The following OSBPL1A variants were observed in gnomAD, a reference collection of about 807,000 sequenced individuals.
OSBPL1A encodes the protein oxysterol-binding protein-related protein 1.
In OSBPL1A, 80 loss-of-function variants were observed where a neutral mutation model predicts 137.1. The ratio of observed to expected loss-of-function variants is 0.58; its 90% CI spans 0.49 to 0.70. The LOEUF (loss-of-function observed/expected upper bound fraction) is 0.70. OSBPL1A is among the 30% of genes least tolerant of loss of function. OSBPL1A has a pLI of 0.00. For synonymous variants in OSBPL1A, 365 were observed against 389.7 expected, an observed-to-expected ratio of 0.94 and a Z score of 0.75; for missense variants, 970 against 1,129.4, an observed-to-expected ratio of 0.86 and a Z score of 2.02.
At chr18:24,223,022 T>G (rs1395265876) in intron 17 of OSBPL1A, among the ~76,000 whole-genome samples, 1 of 152,042 alleles carries the variant, frequency 6.6e-6, no homozygotes, top group East Asian at 1.9e-4. Flanking sequence ...CACATGAATT[T>G]TAAAGATAAA....
At chr18:24,325,890 T>A (rs9963342) in intron 7 of OSBPL1A, among the ~76,000 whole-genome samples, 1,930 of 152,344 alleles carry the variant, frequency 0.013, 41 homozygotes, top group African/African-American at 0.043. Flanking sequence ...TGATTAAAAA[T>A]TTTAAATATC....
intron 17 of OSBPL1A, among the ~76,000 whole-genome samples, chr18:24,210,535 CTTT>C (rs11355890): frequency 7.0e-6 from 1 of 143,126 alleles, no homozygotes; most frequent in Non-Finnish European, 1.5e-5. Context: ...TTTTCTTTTT[CTTT>C]TTTTTTTTTT....
chr18:24,182,669 G>C (rs2086637709), intron 18 of OSBPL1A, among the ~76,000 whole-genome samples: 1 of 152,134 alleles, frequency 6.6e-6, no homozygotes, highest in South Asian at 2.1e-4. Context: ...AGCTCAGCCT[G>C]ATGAAAAGAA....
intron 15 of OSBPL1A, among the ~76,000 whole-genome samples, chr18:24,245,421 A>C (rs2088852884): frequency 6.6e-6 from 1 of 152,112 alleles, no homozygotes; most frequent in African/African-American, 2.4e-5. Flanking sequence ...AGGACCAACA[A>C]TGTTCTCACT....
chr18:24,250,699 C>A (rs979007171), intron 15 of OSBPL1A, among the ~76,000 whole-genome samples: 1 of 152,162 alleles, frequency 6.6e-6, no homozygotes, highest in Non-Finnish European at 1.5e-5. Context: ...TGGCTATGGT[C>A]AAAGACTCCT....
intron 1 of OSBPL1A, among the ~76,000 whole-genome samples, chr18:24,394,693 C>T (rs148473823): frequency 8.7e-4 from 132 of 152,234 alleles, no homozygotes; most frequent in African/African-American, 3.0e-3. Context: ...CTCAATTAAA[C>T]TCATGTATAA....
At chr18:24,225,267 T>A in intron 16 of OSBPL1A, 69 bp from the exon 17 acceptor site, 1 of 1,548,422 alleles carries the variant, frequency 6.5e-7, no homozygotes, top group South Asian at 1.1e-5. Context: ...AATGGATCCC[T>A]CCCTTCATGC....
chr18:24,328,669 A>G (rs6508312), intron 7 of OSBPL1A, among the ~76,000 whole-genome samples: 62,147 of 151,898 alleles, frequency 0.41, 13,588 homozygotes, highest in Middle Eastern at 0.6. Flanking sequence ...GAGAGCCTCC[A>G]GGACAGTTCA....
chr18:24,327,675 C>G (rs2091005966), intron 7 of OSBPL1A, among the ~76,000 whole-genome samples: 2 of 152,180 alleles, frequency 1.3e-5, no homozygotes, highest in Non-Finnish European at 2.9e-5. Flanking sequence ...TCCCAAAGTA[C>G]TGGGATTACA....
In OSBPL1A at chr18:24,271,763, G is replaced by T. The variant is rs1285423288; in HGVS notation, c.1281+9079C>A. The T allele has an allele frequency of 4.1e-6, 4 of 985,512 alleles. No homozygotes were observed. Among genetic ancestry groups the T allele is most frequent in the Non-Finnish European group, 4.8e-6 (4 of 830,044 alleles). The allele number at this position is 985,512 out of a possible 1,614,324, so 61.0% of individuals were successfully genotyped here. On this transcript the variant is annotated intron_variant, in intron 15 of 27. Coordinates refer to ENST00000319481, the MANE Select transcript of OSBPL1A (RefSeq NM_080597.4). This position sits in a 1 kb window ranked among gnomAD's most constrained non-coding sequence, Gnocchi z 4.0. ...CGATCCGGGAGGCGCGACCCAGGGC[G>T]GCCCGCAAGGTCTCCCTAAGTCACC...
At chr18:24,249,806 T>C (rs67599856) in intron 15 of OSBPL1A, among the ~76,000 whole-genome samples, 12,607 of 152,150 alleles carry the variant, frequency 0.083, 661 homozygotes, top group African/African-American at 0.15. Flanking sequence ...TGGGGGGTCC[T>C]AGGTAAATTT....
chr18:24,228,925 G>A (rs2088180950), intron 16 of OSBPL1A, among the ~76,000 whole-genome samples: 1 of 152,180 alleles, frequency 6.6e-6, no homozygotes, highest in South Asian at 2.1e-4. Context: ...CACAGGCTGG[G>A]CGCGGTGGCT....
At chr18:24,305,181 C>T (rs112551130) in intron 13 of OSBPL1A, among the ~76,000 whole-genome samples, 20 of 152,300 alleles carry the variant, frequency 1.3e-4, no homozygotes, top group African/African-American at 4.8e-4. Context: ...TAAGCAATGG[C>T]TTCAATTGCA....
At chr18:24,254,189 G>C (rs923793230) in intron 15 of OSBPL1A, among the ~76,000 whole-genome samples, 2 of 152,118 alleles carry the variant, frequency 1.3e-5, no homozygotes, top group South Asian at 4.1e-4. Context: ...TGGAGCACCA[G>C]ATATATAAAG....
At chr18:24,328,216 G>GTTTTTTTTTTTTTTTTTT (rs1292001089) in intron 7 of OSBPL1A, among the ~76,000 whole-genome samples, 1 of 47,576 alleles carries the variant, frequency 2.1e-5, no homozygotes, top group East Asian at 4.4e-4. Context: ...CTAATTTTTT[G>GTTTTTTTTTTTTTTTTTT]TATTTTTTTT....
intron 14 of OSBPL1A, among the ~76,000 whole-genome samples, chr18:24,298,529 T>C (rs1266844871): frequency 6.6e-6 from 1 of 152,178 alleles, no homozygotes; most frequent in Non-Finnish European, 1.5e-5. Flanking sequence ...GTCTTTTTAG[T>C]AGAGACGGGG....
chr18:24,320,602 G>C (rs1382179422), intron 7 of OSBPL1A, among the ~76,000 whole-genome samples: 1 of 152,176 alleles, frequency 6.6e-6, no homozygotes, highest in Non-Finnish European at 1.5e-5. Flanking sequence ...CAAGGGGTTT[G>C]TAGGCCAGAC....
Position 24,225,099 on chromosome 18 carries a change from G to A in OSBPL1A, c.1544C>T (p.Ser515Phe). ...EHLGSRKHRM[S>F]EEKDCGGGDA... ...TCCGCCACCACAGTCTTTTTCTTCG[G>A]ACATTCTGTGTTTTCTACTGCCCAA... is the stretch of plus-strand genomic sequence containing the variant. The change falls in exon 17 of 28, where the codon TCC becomes TTC. Residue 515 changes from serine (S) to phenylalanine (F), a missense_variant. Transcript: ENST00000319481. 2.5e-6 allele frequency: 4 copies of A among 1,614,140 alleles called. No homozygotes were observed. The highest frequency in any genetic ancestry group is 3.4e-6 in the Non-Finnish European group (4 of 1,180,014).
intron 1 of OSBPL1A, among the ~76,000 whole-genome samples, chr18:24,380,403 C>G (rs1244447154): frequency 1.3e-5 from 2 of 152,232 alleles, no homozygotes; most frequent in Non-Finnish European, 2.9e-5. Context: ...ATCTGGCCCA[C>G]ACGCTAAGGA....
Sources: allele counts gnomAD v4.1 joint callset (sites outside exome capture counted in the v4.1 genomes callset), GRCh38; gene constraint gnomAD v4.1.1; non-coding constraint Gnocchi (gnomAD v3.1); transcripts MANE v1.5; gene names NCBI Gene and HGNC (gene_info 2026-07-23, HGNC 2026-07-21).